MYOF: variants seen among roughly 807,000 people sequenced by gnomAD.
MYOF encodes the protein myoferlin.
A neutral mutation model predicts 284.2 loss-of-function variants in MYOF; 244 were observed. That is an observed-to-expected ratio of 0.86 (90% confidence interval 0.77 to 0.95). MYOF has a LOEUF of 0.95. Among genes scored for constraint, MYOF ranks in the 40% least tolerant of loss-of-function variants. The pLI is 0.00. For missense variants in MYOF, 2,496 were observed against 2,560.6 expected, an observed-to-expected ratio of 0.97 and a Z score of 0.54; for synonymous variants, 904 against 919.7, an observed-to-expected ratio of 0.98 and a Z score of 0.31.
At chr10:93,370,283 G>T (rs942756280) in intron 24 of MYOF, among the ~76,000 whole-genome samples, 2 of 148,544 alleles carry the variant, frequency 1.3e-5, no homozygotes, top group African/African-American at 5.0e-5. Context: ...AAAATAAAAG[G>T]ATTCTGTTGA....
At chr10:93,475,525 G>A (rs907157653) in intron 1 of MYOF, among the ~76,000 whole-genome samples, 3 of 152,182 alleles carry the variant, frequency 2.0e-5, no homozygotes, top group Non-Finnish European at 2.9e-5. Context: ...GATATTAAAC[G>A]TAAAGGGCAA....
At chr10:93,466,591 G>C (rs2057013225) in intron 1 of MYOF, among the ~76,000 whole-genome samples, 1 of 152,190 alleles carries the variant, frequency 6.6e-6, no homozygotes, top group African/African-American at 2.4e-5. Flanking sequence ...AGGGCTGCTG[G>C]GAAGGGCTCC....
At chr10:93,360,398 A>G (rs1384012655) in intron 28 of MYOF, among the ~76,000 whole-genome samples, 1 of 152,234 alleles carries the variant, frequency 6.6e-6, no homozygotes, top group South Asian at 2.1e-4. Context: ...CTATGGCCCA[A>G]TTTCCCCACT....
At chr10:93,310,246 G>A (rs1842321220) in intron 52 of MYOF, 79 bp from the exon 53 acceptor site, 1 of 1,518,468 alleles carries the variant, frequency 6.6e-7, no homozygotes, top group Non-Finnish European at 9.0e-7. Context: ...CACAGTTTCA[G>A]GAATAAAGAA....
At chr10:93,420,860 A>G (rs1848329476) in intron 5 of MYOF, among the ~76,000 whole-genome samples, 1 of 152,230 alleles carries the variant, frequency 6.6e-6, no homozygotes, top group South Asian at 2.1e-4. Flanking sequence ...GAAAATATAT[A>G]AATCAGAAGA....
chr10:93,315,370 G>A (rs1238493417), intron 50 of MYOF, among the ~76,000 whole-genome samples: 3 of 152,172 alleles, frequency 2.0e-5, no homozygotes, highest in Non-Finnish European at 2.9e-5. Flanking sequence ...ATAAGTGTGC[G>A]TGATAAAACA....
At chr10:93,395,600 A>G (rs991976718) in intron 16 of MYOF, among the ~76,000 whole-genome samples, 32 of 151,648 alleles carry the variant, frequency 2.1e-4, no homozygotes, top group African/African-American at 6.6e-4. Context: ...TGTTTGGAAA[A>G]CAACAGAAAG....
intron 7 of MYOF, among the ~76,000 whole-genome samples, chr10:93,407,880 G>A (rs1027405324): frequency 1.3e-5 from 2 of 151,960 alleles, no homozygotes; most frequent in African/African-American, 2.4e-5. Context: ...GATTAGTCAC[G>A]AGAGTTGTCC....
At position 93,340,769 on chromosome 10, in the gene MYOF, T is replaced by A. The variant is rs1372932937; in HGVS notation, c.4327-605A>T. Among the ~76,000 whole-genome samples, 5 of 147,678 alleles carry A rather than the reference T, an allele frequency of 3.4e-5. No homozygotes were observed. In the East Asian group the frequency reaches 8.1e-4, roughly 24 times the overall value. On this transcript the variant is annotated intron_variant, in intron 38 of 53. Transcript: ENST00000359263. ...CAAATCCTTTCATGTGATTTTTTTT[T>A]AATGGAGAACCCACCCCAATCTGAG...
intron 40 of MYOF, 55 bp downstream of exon 40, chr10:93,337,760 T>C: frequency 6.9e-7 from 1 of 1,459,766 alleles, no homozygotes; most frequent in Non-Finnish European, 9.6e-7. Flanking sequence ...GCTCTGCCTG[T>C]GGCCAGTTTC....
chr10:93,384,725 G>A (rs76159916), intron 19 of MYOF, among the ~76,000 whole-genome samples: 1 of 152,048 alleles, frequency 6.6e-6, no homozygotes, highest in South Asian at 2.1e-4. Flanking sequence ...CTCTCTTTCT[G>A]ATCATCAGTG....
In MYOF at chr10:93,452,119, C is replaced by A. The variant is rs1394147171; in HGVS notation, c.167G>T (p.Gly56Val). 1.9e-6 allele frequency: 3 copies of A among 1,609,928 alleles called. No homozygotes were observed. The highest frequency in any genetic ancestry group is 1.7e-6 in the Non-Finnish European group (2 of 1,179,036). ...WNEILEFDLR[G>V]IPLDFSSSLG... ...GGAAGATGAAAAGTCCAGTGGTATACCCCTCAAGTCAAACTCCAAAATCTG... is the reference window on the plus strand; with the variant it reads ...GGAAGATGAAAAGTCCAGTGGTATAACCCTCAAGTCAAACTCCAAAATCTG... Residue 56 changes from glycine (G) to valine (V), a missense_variant, in exon 3 of 54, where the codon GGT becomes GTT. Gly to Val is a moderately radical substitution (Grantham distance 109). Coordinates refer to ENST00000359263, the MANE Select transcript of MYOF (RefSeq NM_013451.4).
At chr10:93,393,897 A>G (rs532193565) in intron 16 of MYOF, among the ~76,000 whole-genome samples, 1 of 152,360 alleles carries the variant, frequency 6.6e-6, no homozygotes, top group South Asian at 2.1e-4. Flanking sequence ...TAAAAATCAA[A>G]ATACAATAAA....
chr10:93,432,363 G>A (rs1435253325), intron 3 of MYOF, among the ~76,000 whole-genome samples: 1 of 151,872 alleles, frequency 6.6e-6, no homozygotes, highest in Non-Finnish European at 1.5e-5. Flanking sequence ...ACCCAGGCTG[G>A]GCGACAGAGT....
At chr10:93,455,359 G>A (rs116855862) in intron 2 of MYOF, among the ~76,000 whole-genome samples, 7,048 of 151,918 alleles carry the variant, frequency 0.046, 219 homozygotes, top group Non-Finnish European at 0.07. Flanking sequence ...AAAGTTTTTT[G>A]TTTCACTTCA....
chr10:93,390,587 A>G (rs192643290), intron 17 of MYOF, among the ~76,000 whole-genome samples: 80 of 152,322 alleles, frequency 5.3e-4, no homozygotes, highest in Admixed American at 9.1e-4. Context: ...AGGAATGACT[A>G]TTATACATGA....
chr10:93,431,276 A>AAAAGTGCTGGCCTCCC, intron 4 of MYOF, 132 bp downstream of exon 4: 2 of 635,036 alleles, frequency 3.1e-6, no homozygotes. Context: ...TGATCCACCC[A>AAAAGTGCTGGCCTCCC]AAAGTGCTGG....
At position 93,405,885 on chromosome 10, in the gene MYOF, C is replaced by T. The variant is rs976468910; in HGVS notation, c.730-1666G>A. Among the ~76,000 whole-genome samples, 5 of 150,376 alleles carry T rather than the reference C, an allele frequency of 3.3e-5. No individual in the cohort carries two copies. In the East Asian group the frequency reaches 9.9e-4, roughly 30 times the overall value. ...CGATCTTGGCTCACTGTAACCTCCGCCTCCAGGCTTTAAGCAATTCTCCTG... is the reference window on the plus strand; with the variant it reads ...CGATCTTGGCTCACTGTAACCTCCGTCTCCAGGCTTTAAGCAATTCTCCTG... On this transcript the variant is annotated intron_variant, in intron 7 of 53. Transcript: ENST00000359263.
chr10:93,458,270 T>C (rs1247627585), intron 1 of MYOF, among the ~76,000 whole-genome samples: 1 of 152,076 alleles, frequency 6.6e-6, no homozygotes, highest in Non-Finnish European at 1.5e-5. Flanking sequence ...GGAGGATCCC[T>C]TGAGCCCAGG....
Sources: allele counts gnomAD v4.1 joint callset (sites outside exome capture counted in the v4.1 genomes callset), GRCh38; gene constraint gnomAD v4.1.1; transcripts MANE v1.5; gene names NCBI Gene and HGNC (gene_info 2026-07-23, HGNC 2026-07-21).